Variants in PIK3C2G observed in about 807,000 individuals in gnomAD.
PIK3C2G encodes the protein phosphatidylinositol 3-kinase C2 domain-containing subunit gamma.
In PIK3C2G, 168 loss-of-function variants were observed where a neutral mutation model predicts 181.1. That is an observed-to-expected ratio of 0.93 (90% CI 0.82 to 1.05). The LOEUF (loss-of-function observed/expected upper bound fraction) is 1.05, where lower values mean the gene tolerates loss of function less well. PIK3C2G is among the 50% of genes least tolerant of loss of function. The probability of loss-of-function intolerance (pLI) is 0.00; values close to 1 mark genes in which losing one functional copy is unlikely to be tolerated. For synonymous variants in PIK3C2G, 573 were observed against 592.2 expected (o/e 0.97, Z 0.47); for missense variants, 1,869 against 1,732.8 (o/e 1.08, Z -1.40).
the PIK3C2G span, among the ~76,000 whole-genome samples, chr12:18,720,412 T>C: frequency 1.3e-5 from 2 of 151,360 alleles, no homozygotes; most frequent in Non-Finnish European, 2.9e-5. Flanking sequence ...TTGTATCTGA[T>C]CATCTTTAGT....
At chr12:18,366,458 T>C (rs969826411) in intron 12 of PIK3C2G, among the ~76,000 whole-genome samples, 12 of 152,066 alleles carry the variant, frequency 7.9e-5, no homozygotes, top group African/African-American at 2.7e-4. Flanking sequence ...GCTTGAACAC[T>C]GGAGGAGGTT....
intron 1 of PIK3C2G, among the ~76,000 whole-genome samples, chr12:18,279,022 A>C (rs1949101188): frequency 6.6e-6 from 1 of 152,044 alleles, no homozygotes; most frequent in Admixed American, 6.6e-5. Flanking sequence ...AGTACTTGAA[A>C]AAAATATTGT....
intron 8 of PIK3C2G, among the ~76,000 whole-genome samples, chr12:18,329,769 T>C (rs1937732234): frequency 2.0e-5 from 3 of 152,036 alleles, no homozygotes; most frequent in Admixed American, 6.6e-5. Context: ...TCTAATGATG[T>C]TTTACCTTTT....
chr12:18,384,688 T>C (rs535961733), intron 14 of PIK3C2G, among the ~76,000 whole-genome samples: 1 of 152,242 alleles, frequency 6.6e-6, no homozygotes, highest in South Asian at 2.1e-4. Flanking sequence ...TTTTAGCAAG[T>C]GGAATTTGAA....
chr12:18,707,100 T>A, the PIK3C2G span, among the ~76,000 whole-genome samples: 7 of 152,224 alleles, frequency 4.6e-5, no homozygotes, highest in Non-Finnish European at 1.0e-4. Context: ...AAAGTCCTTA[T>A]GATGGTGTTC....
At chr12:18,529,888 T>C (rs1943453302) in intron 24 of PIK3C2G, among the ~76,000 whole-genome samples, 1 of 152,124 alleles carries the variant, frequency 6.6e-6, no homozygotes, top group Non-Finnish European at 1.5e-5. Flanking sequence ...GAGCAGAACA[T>C]ATTATGAACA....
the PIK3C2G span, among the ~76,000 whole-genome samples, chr12:18,705,733 G>A: frequency 6.6e-6 from 1 of 151,636 alleles, no homozygotes. Context: ...AGGTGTGGTA[G>A]TGTGTGCCTG....
chr12:18,541,662 T>A (rs569280621), intron 25 of PIK3C2G, among the ~76,000 whole-genome samples: 1 of 151,870 alleles, frequency 6.6e-6, no homozygotes, highest in Non-Finnish European at 1.5e-5. Context: ...GTTCCTGACT[T>A]TTAAAAAGGG....
chr12:18,345,240 T>G (rs563746013), intron 10 of PIK3C2G, among the ~76,000 whole-genome samples: 1 of 151,968 alleles, frequency 6.6e-6, no homozygotes, highest in African/African-American at 2.4e-5. Context: ...GGCCTCCAAG[T>G]TTGATGAGGC....
At chr12:18,626,494 T>C (rs975939474) in intron 31 of PIK3C2G, among the ~76,000 whole-genome samples, 1 of 152,086 alleles carries the variant, frequency 6.6e-6, no homozygotes, top group Non-Finnish European at 1.5e-5. Flanking sequence ...CGGTATTATT[T>C]ATACCATTAG....
intron 16 of PIK3C2G, among the ~76,000 whole-genome samples, chr12:18,413,518 A>G (rs58864032): frequency 2.0e-5 from 3 of 152,058 alleles, no homozygotes; most frequent in Admixed American, 6.6e-5. Flanking sequence ...ATTGACCTTT[A>G]TCTTTTTTAT....
At chr12:18,475,373 A>ACACACACAC (rs1938870745) in intron 18 of PIK3C2G, among the ~76,000 whole-genome samples, 1 of 139,834 alleles carries the variant, frequency 7.2e-6, no homozygotes, top group Admixed American at 7.3e-5. Context: ...CCACCACCCC[A>ACACACACAC]ACACACACAC....
chr12:18,449,339 G>A (rs141123916), intron 18 of PIK3C2G, among the ~76,000 whole-genome samples: 57 of 151,940 alleles, frequency 3.8e-4, no homozygotes, highest in Non-Finnish European at 6.5e-4. Flanking sequence ...GAACATGCAG[G>A]TTTGTTACGT....
At chr12:18,307,199 A>T in intron 5 of PIK3C2G, among the ~76,000 whole-genome samples, 1 of 83,614 alleles carries the variant, frequency 1.2e-5, no homozygotes, top group East Asian at 5.5e-4. Flanking sequence ...GCTATTTAGG[A>T]ATAGGAAATA....
chr12:18,613,947 G>A (rs1195914831), intron 31 of PIK3C2G, among the ~76,000 whole-genome samples: 3 of 152,004 alleles, frequency 2.0e-5, no homozygotes, highest in Admixed American at 2.0e-4. Context: ...CACAGACAAT[G>A]GCAATGTTTG....
At chr12:18,378,686 A>G (rs1010005242) in intron 13 of PIK3C2G, among the ~76,000 whole-genome samples, 2 of 152,212 alleles carry the variant, frequency 1.3e-5, no homozygotes, top group African/African-American at 4.8e-5. Flanking sequence ...AAACAACCCC[A>G]TCAAAAAGTG....
At chr12:18,683,392 T>C in the PIK3C2G span, 19 of 1,536,312 alleles carry the variant, frequency 1.2e-5, no homozygotes, top group South Asian at 2.1e-4. Context: ...ATAGCCTTGC[T>C]GAGAAACAAG....
At position 18,640,480 on chromosome 12, in the gene PIK3C2G, C is replaced by T. The variant is rs1341716459; in HGVS notation, c.4234C>T (p.Pro1412Ser). 6.2e-7 allele frequency: 1 copy of T among 1,609,080 alleles called. No homozygotes were observed. Among genetic ancestry groups the T allele is most frequent in the East Asian group, 2.2e-5 (1 of 44,684 alleles). Residue 1412 changes from proline (P) to serine (S), a missense_variant, in exon 32 of 33, where the codon CCA (proline) becomes TCA (serine). Physicochemically the swap from Pro to Ser is moderately conservative, Grantham distance 74. Transcript: ENST00000538779. ...PSAHVEFYLL[P>S]YPSEVRRRKT... ...TGCACATGTTGAATTTTATCTTTTA[C>T]CATATCCCAGTGAAGTTCGTAGGAG...
Position 18,609,615 on chromosome 12 carries a change from C to G in PIK3C2G, c.4168C>G (p.His1390Asp). 1 of 1,561,516 alleles carries G rather than the reference C, an allele frequency of 6.4e-7. No homozygotes were observed. The highest frequency in any genetic ancestry group is 8.7e-7 in the Non-Finnish European group (1 of 1,145,792). ...TGTGAAGCTGACCATACTAGTGAAA[C>G]ACATGAAAAACATTGTAAGTTTATT... is the stretch of plus-strand genomic sequence containing the variant. Reference protein sequence around the residue: ...EDVKLTILVKHMKNIHLPDGS... With the variant: ...EDVKLTILVKDMKNIHLPDGS... The change falls in exon 31 of 33, where the codon CAC (histidine) becomes GAC (aspartate). Residue 1390 changes from histidine to aspartate, a missense_variant. Transcript: ENST00000538779.
Sources: allele counts gnomAD v4.1 joint callset (sites outside exome capture counted in the v4.1 genomes callset), GRCh38; gene constraint gnomAD v4.1.1; transcripts MANE v1.5; gene names NCBI Gene and HGNC (gene_info 2026-07-23, HGNC 2026-07-21).